FANCD2: variants seen among roughly 807,000 people sequenced by gnomAD.
The protein encoded by FANCD2 is Fanconi anemia group D2 protein.
In FANCD2, 131 loss-of-function variants were observed where a neutral mutation model predicts 192.3. That is an observed-to-expected ratio of 0.68 (90% CI 0.59 to 0.79). The LOEUF is 0.79. Among genes scored for constraint, FANCD2 ranks in the 30% least tolerant of loss-of-function variants. The pLI, the probability that FANCD2 is intolerant of heterozygous loss-of-function variation, is 0.00. For synonymous variants in FANCD2, 524 were observed against 612.5 expected (o/e 0.86, Z 2.13); for missense variants, 1,508 against 1,701.6 (o/e 0.89, Z 2.00).
At chr3:10,058,001 G>T (rs917400062) in intron 18 of FANCD2, 2 of 435,962 alleles carry the variant, frequency 4.6e-6, no homozygotes, top group South Asian at 1.9e-5. Context: ...TTTGAGTTAA[G>T]CTATCAAGTT....
intron 18 of FANCD2, among the ~76,000 whole-genome samples, chr3:10,056,796 G>A (rs1033346678): frequency 6.6e-6 from 1 of 152,120 alleles, no homozygotes; most frequent in African/African-American, 2.4e-5. Flanking sequence ...ATCTTTTCAT[G>A]TACTTCTTGG....
chr3:10,094,469 C>G, intron 40 of FANCD2, 106 bp downstream of exon 40: 1 of 925,282 alleles, frequency 1.1e-6, no homozygotes, highest in Non-Finnish European at 1.8e-6. Context: ...CTGGGCTCCT[C>G]TGGTCCACTT....
At chr3:10,048,146 A>G in intron 16 of FANCD2, 95 bp downstream of exon 16, 3 of 1,548,644 alleles carry the variant, frequency 1.9e-6, no homozygotes, top group Non-Finnish European at 2.7e-6. Context: ...CTGAAGGGGA[A>G]GGAACTCTGA....
rs1030454628 is a variant in FANCD2 at position 10,088,535 on chromosome 3, C to G, written c.3553C>G (p.Leu1185Val). The G allele has an allele frequency of 6.3e-6, 10 of 1,599,076 alleles. No individual in the cohort carries two copies. The highest frequency in any genetic ancestry group is 8.6e-6 in the Non-Finnish European group (10 of 1,166,388). ...CATCTCTAATGACCAGCTCCATGCT[C>G]TGCTCTGGTGAGATGTTTGGTTTCT... ...SNISNDQLHALLCIYLEHTES... is the reference protein window; with the variant it reads ...SNISNDQLHAVLCIYLEHTES... The change falls in exon 35 of 44, where the codon CTG becomes GTG. Residue 1185 changes from leucine to valine, a missense_variant. Physicochemically the swap from Leu to Val is conservative, Grantham distance 32. Coordinates refer to ENST00000675286, the MANE Select transcript of FANCD2 (RefSeq NM_001018115.3).
intron 18 of FANCD2, among the ~76,000 whole-genome samples, chr3:10,055,439 T>A (rs2087380143): frequency 6.6e-6 from 1 of 152,218 alleles, no homozygotes. Flanking sequence ...GCGTCTCGCT[T>A]ATTTCACTTA....
At position 10,043,061 on chromosome 3, in the gene FANCD2, G is replaced by A; in HGVS notation, c.900G>A (p.Glu300=). The change falls in exon 12 of 44, where the codon GAG becomes GAA. Residue 300 remains glutamate (E), a synonymous_variant. Transcript: ENST00000675286. The part of the protein sequence containing the change: ...TAMDTLEVIS[E]LREKLDLQHC... Reference sequence around the variant, plus strand: ...TTTACTTTCTGCAGGTAATTTCTGAGCTTCGGGAGAAGTTGGATCTGCAGC... The same window carrying A: ...TTTACTTTCTGCAGGTAATTTCTGAACTTCGGGAGAAGTTGGATCTGCAGC... 1.2e-6 allele frequency: 2 copies of A among 1,614,036 alleles called. No individual in the cohort carries two copies. Among genetic ancestry groups the A allele is most frequent in the African/African-American group, 1.3e-5 (1 of 75,016 alleles).
intron 29 of FANCD2, 88 bp downstream of exon 29, chr3:10,074,761 C>A: frequency 1.6e-6 from 2 of 1,275,600 alleles, no homozygotes; most frequent in Non-Finnish European, 2.3e-6. Flanking sequence ...CACTGTGACA[C>A]TGAGGAGAGA....
chr3:10,084,399 C>T (rs4269070), intron 32 of FANCD2, among the ~76,000 whole-genome samples: 3 of 151,680 alleles, frequency 2.0e-5, no homozygotes, highest in Non-Finnish European at 4.4e-5. Flanking sequence ...TATAAATCCT[C>T]CCACCTCAGC....
intron 40 of FANCD2, 52 bp downstream of exon 40, chr3:10,094,415 G>T: frequency 6.8e-7 from 1 of 1,480,202 alleles, no homozygotes; most frequent in Non-Finnish European, 9.4e-7. Flanking sequence ...TTGCTCAGAA[G>T]ATATGTCCTT....
intron 17 of FANCD2, among the ~76,000 whole-genome samples, chr3:10,051,411 AAAGG>A (rs2087209490): frequency 6.5e-5 from 1 of 15,428 alleles, no homozygotes; most frequent in African/African-American, 3.1e-4. Context: ...AAAAAAACAA[AAAGG>A]AGTGAGGGAT....
intron 8 of FANCD2, 59 bp downstream of exon 8, chr3:10,039,416 G>T: frequency 2.8e-6 from 4 of 1,414,360 alleles, no homozygotes; most frequent in South Asian, 1.2e-5. Context: ...ATCTTTTGGA[G>T]GTTGTATTTT....
chr3:10,039,810 G>T lies in FANCD2; in HGVS notation c.660G>T (p.Gly220=). 1 of 1,613,848 alleles carries T rather than the reference G, an allele frequency of 6.2e-7. No homozygotes were observed. The highest frequency in any genetic ancestry group is 8.5e-7 in the Non-Finnish European group (1 of 1,179,982). The change falls in exon 9 of 44, where the codon GGG becomes GGT. Residue 220 remains glycine, a synonymous_variant. Transcript: ENST00000675286. ...TCACCAGCCTACCTGAGATCCTAGG[G>T]GATTCCCAGCACGCTGATGTGGGGA... ...DIITSLPEIL[G]DSQHADVGKE...
In FANCD2 at chr3:10,032,882, A is replaced by G; in HGVS notation, c.115A>G (p.Asn39Asp). ...SKKTKKSHIA[N>D]EVEENDSIFV... ...AAAGACAAAGAAATCTCATATTGCT[A>G]ATGAAGTTGAAGAAAATGACAGCAT... The change falls in exon 3 of 44, where the codon AAT becomes GAT. Residue 39 changes from asparagine to aspartate, a missense_variant. Asn to Asp is a conservative substitution (Grantham distance 23, BLOSUM62 1). This residue lies in a region of FANCD2 where 435 missense variants were observed against 421.9 expected (regional missense o/e 1.03). Coordinates refer to ENST00000675286, the MANE Select transcript of FANCD2 (RefSeq NM_001018115.3). 1 of 1,611,588 alleles carries G rather than the reference A, an allele frequency of 6.2e-7. No homozygotes were observed. The highest frequency in any genetic ancestry group is 1.1e-5 in the South Asian group (1 of 90,864).
At chr3:10,078,019 A>C in intron 29 of FANCD2, 62 bp from the exon 30 acceptor site, 2 of 1,234,480 alleles carry the variant, frequency 1.6e-6, no homozygotes, top group Non-Finnish European at 2.4e-6. Context: ...AAAAGAAAGA[A>C]AAAAAATTAT....
chr3:10,037,011 G>GT (rs376394589), intron 7 of FANCD2, among the ~76,000 whole-genome samples: 243 of 143,518 alleles, frequency 1.7e-3, no homozygotes, highest in Middle Eastern at 0.011. Context: ...AATTTTCGTG[G>GT]TTTTTTTTTT....
chr3:10,029,785 T>G (rs970344397), intron 2 of FANCD2, among the ~76,000 whole-genome samples: 2 of 152,108 alleles, frequency 1.3e-5, no homozygotes, highest in Non-Finnish European at 2.9e-5. Context: ...TTCTTGTTGT[T>G]GTTGTTGTTG....
At position 10,063,931 on chromosome 3, in the gene FANCD2, C is replaced by G; in HGVS notation, c.1947+20C>G. The G allele has an allele frequency of 6.2e-7, 1 of 1,614,222 alleles. No individual in the cohort carries two copies. Among genetic ancestry groups the G allele is most frequent in the African/African-American group, 1.3e-5 (1 of 75,062 alleles). ...GCCCTGGTAAAGCCAATTGTCTTTT[C>G]TTAAAGCAATAAAGCATGAGAGCTG... On this transcript the variant is annotated intron_variant, in intron 21 of 43. Transcript: ENST00000675286.
intron 26 of FANCD2, among the ~76,000 whole-genome samples, chr3:10,069,114 A>C (rs1419102910): frequency 1.3e-5 from 2 of 152,198 alleles, no homozygotes; most frequent in Non-Finnish European, 2.9e-5. Context: ...AATACCCTAC[A>C]AGCACAGGCA....
At chr3:10,063,578 T>C (rs1356917038) in intron 20 of FANCD2, among the ~76,000 whole-genome samples, 1 of 152,210 alleles carries the variant, frequency 6.6e-6, no homozygotes, top group Non-Finnish European at 1.5e-5. Flanking sequence ...AGGTTTACTT[T>C]AGAAAAATTA....
Sources: gnomAD v4.1 joint callset for allele counts (sites outside exome capture counted in the v4.1 genomes callset) on GRCh38, gnomAD v4.1.1 for gene constraint, gnomAD v4.1.1 regional missense constraint, MANE v1.5 for transcripts, NCBI Gene and HGNC (gene_info 2026-07-23, HGNC 2026-07-21) for gene names.